ZNF157: variants seen among roughly 807,000 people sequenced by gnomAD.
The protein encoded by ZNF157 is zinc finger protein 157, also known as zinc finger protein 22.
Under a neutral mutation model 9.4 loss-of-function variants are expected in ZNF157, and 8 were observed. That is an observed-to-expected ratio of 0.85 (90% CI 0.50 to 1.53). ZNF157 has a LOEUF of 1.53. Among genes scored for constraint, ZNF157 ranks in the 40% most tolerant of loss-of-function variants. The probability of loss-of-function intolerance (pLI) is 0.00; values close to 1 mark genes in which losing one functional copy is unlikely to be tolerated. For missense variants in ZNF157, 316 were observed against 385.2 expected, an observed-to-expected ratio of 0.82 and a Z score of 1.50; for synonymous variants, 120 against 130.8, an observed-to-expected ratio of 0.92 and a Z score of 0.56.
At chrX:47,377,150 A>G (rs2055847080) in intron 1 of ZNF157, among the ~76,000 whole-genome samples, 2 of 109,799 alleles carry the variant, frequency 1.8e-5, no homozygotes, top group African/African-American at 6.6e-5. Flanking sequence ...CAGCACAGGA[A>G]GACAGCTTCC....
chrX:47,374,996 A>ATTTTT (rs2055839953), intron 1 of ZNF157, among the ~76,000 whole-genome samples: 1 of 48,092 alleles, frequency 2.1e-5, no homozygotes, highest in Non-Finnish European at 4.2e-5. Flanking sequence ...CCGGCTGACA[A>ATTTTT]TCTTTTTTTT....
chrX:47,395,554 C>T (rs1361219367), intron 1 of ZNF157, among the ~76,000 whole-genome samples: 1 of 112,060 alleles, frequency 8.9e-6, no homozygotes, highest in Non-Finnish European at 1.9e-5. Context: ...CATACTTCTG[C>T]GTAACATGAT....
chrX:47,383,371 CAAAAAAAAAA>C (rs35133137), intron 1 of ZNF157, among the ~76,000 whole-genome samples: 1 of 18,807 alleles, frequency 5.3e-5, no homozygotes, highest in Non-Finnish European at 1.5e-4. Context: ...GACTCAGTCT[CAAAAAAAAAA>C]AAAAAAAAAA....
intron 1 of ZNF157, among the ~76,000 whole-genome samples, chrX:47,381,842 A>G (rs968498730): frequency 7.1e-5 from 8 of 111,973 alleles, no homozygotes; most frequent in Non-Finnish European, 1.5e-4. Flanking sequence ...AGCATGCCAG[A>G]CTTGCTCAAA....
intron 1 of ZNF157, among the ~76,000 whole-genome samples, chrX:47,396,051 A>G (rs903902524): frequency 1.1e-4 from 12 of 111,441 alleles, no homozygotes; most frequent in Admixed American, 9.7e-4. Flanking sequence ...CAAAACAAAT[A>G]CTTGTGATGT....
intron 1 of ZNF157, among the ~76,000 whole-genome samples, chrX:47,407,877 C>A (rs1385828195): frequency 9.1e-6 from 1 of 110,345 alleles, no homozygotes; most frequent in Non-Finnish European, 1.9e-5. Context: ...GTCTCCCCTC[C>A]TACCTTCCAA....
chrX:47,377,210 C>T (rs752701931), intron 1 of ZNF157, among the ~76,000 whole-genome samples: 4 of 109,482 alleles, frequency 3.7e-5, no homozygotes, highest in Non-Finnish European at 5.7e-5. Context: ...TCCCGGCTTA[C>T]ACTGGCTCTC....
chrX:47,413,570 T>C lies in ZNF157; in HGVS notation c.1497T>C (p.Cys499=), dbSNP rs755990869. Residue 499 remains cysteine (C), a synonymous_variant, in exon 4 of 4, where the codon TGT becomes TGC. Coordinates refer to ENST00000377073, the MANE Select transcript of ZNF157 (RefSeq NM_003446.4). ...QRTHIGWSWR[C]TMKKASH ...CTCACATAGGCTGGTCCTGGCGTTGTACAATGAAGAAAGCCTCTCACTGAA... is the reference window on the plus strand; with the variant it reads ...CTCACATAGGCTGGTCCTGGCGTTGCACAATGAAGAAAGCCTCTCACTGAA... The C allele has an allele frequency of 5.0e-6, 6 of 1,195,016 alleles. No homozygotes were observed. The Admixed American group carries it at 6.8e-5, about 14-fold the overall frequency.
At chrX:47,406,963 A>T (rs2055949172) in intron 1 of ZNF157, among the ~76,000 whole-genome samples, 1 of 111,963 alleles carries the variant, frequency 8.9e-6, no homozygotes. Context: ...TTTTCATTAC[A>T]TATGATGTTA....
At chrX:47,389,523 T>A (rs1204278641) in intron 1 of ZNF157, among the ~76,000 whole-genome samples, 2 of 111,539 alleles carry the variant, frequency 1.8e-5, no homozygotes, top group Admixed American at 1.9e-4. Flanking sequence ...GCTAATTTTT[T>A]AATTTCTTGT....
At chrX:47,411,687 T>A (rs765897832) in intron 3 of ZNF157, among the ~76,000 whole-genome samples, 3 of 111,339 alleles carry the variant, frequency 2.7e-5, no homozygotes, top group Non-Finnish European at 3.8e-5. Context: ...CTTTCTTCCC[T>A]CCATTGCCTT....
intron 1 of ZNF157, among the ~76,000 whole-genome samples, chrX:47,403,891 C>G: frequency 9.0e-6 from 1 of 111,487 alleles, no homozygotes. Context: ...AAAAAGTTGC[C>G]GGGCACAGAG....
At chrX:47,407,449 C>A (rs753344774) in intron 1 of ZNF157, among the ~76,000 whole-genome samples, 20 of 111,700 alleles carry the variant, frequency 1.8e-4, no homozygotes, top group Admixed American at 8.6e-4. Context: ...ACTAGTGAAA[C>A]TATCAAGGCC....
At chrX:47,393,662 A>G (rs372546914) in intron 1 of ZNF157, among the ~76,000 whole-genome samples, 27 of 108,868 alleles carry the variant, frequency 2.5e-4, no homozygotes, top group East Asian at 1.7e-3. Flanking sequence ...CTGGGCTCCA[A>G]CCCAGCTGTC....
chrX:47,381,583 A>G (rs1354512974), intron 1 of ZNF157, among the ~76,000 whole-genome samples: 3 of 112,114 alleles, frequency 2.7e-5, no homozygotes, highest in African/African-American at 9.7e-5. Flanking sequence ...TAGGAAAACA[A>G]TTGACTTTTA....
intron 1 of ZNF157, among the ~76,000 whole-genome samples, chrX:47,377,748 T>TTTA (rs1556816872): frequency 5.2e-5 from 5 of 96,806 alleles, no homozygotes; most frequent in African/African-American, 2.0e-4. Flanking sequence ...TTTTTTTTTT[T>TTTA]AAAAAAAACC....
At chrX:47,393,562 T>C (rs946369461) in intron 1 of ZNF157, among the ~76,000 whole-genome samples, 7 of 110,421 alleles carry the variant, frequency 6.3e-5, no homozygotes, top group Non-Finnish European at 1.3e-4. Flanking sequence ...TGAATTTTCT[T>C]TCTTTTTTTT....
chrX:47,406,267 A>G (rs1161521507), intron 1 of ZNF157, among the ~76,000 whole-genome samples: 1 of 109,280 alleles, frequency 9.2e-6, no homozygotes. Context: ...GCCCATTCGT[A>G]TTTATTCGCG....
chrX:47,385,954 AC>A (rs1376713905), intron 1 of ZNF157, among the ~76,000 whole-genome samples: 1 of 110,516 alleles, frequency 9.0e-6, no homozygotes, highest in African/African-American at 3.3e-5. Context: ...GAGTAATAGC[AC>A]GAGTGTGAGT....
Sources: allele counts gnomAD v4.1 joint callset (sites outside exome capture counted in the v4.1 genomes callset), GRCh38; gene constraint gnomAD v4.1.1; transcripts MANE v1.5; gene names NCBI Gene and HGNC (gene_info 2026-07-23, HGNC 2026-07-21).